CPED1: variants seen among roughly 807,000 people sequenced by gnomAD.
The protein encoded by CPED1 is cadherin-like and PC-esterase domain-containing protein 1.
A neutral mutation model predicts 128.2 loss-of-function variants in CPED1; 114 were observed. That is an observed-to-expected ratio of 0.89 (90% CI 0.76 to 1.04). The LOEUF (loss-of-function observed/expected upper bound fraction) is 1.04, where lower values mean the gene tolerates loss of function less well. Ranked by LOEUF, CPED1 falls within the 50% of genes least tolerant of loss-of-function variation. The pLI is 0.00. For synonymous variants in CPED1, 462 were observed against 426.7 expected (o/e 1.08, Z -1.02); for missense variants, 1,211 against 1,207.1 (o/e 1.00, Z -0.05).
chr7:121,232,420 T>G (rs1798159789), intron 16 of CPED1, among the ~76,000 whole-genome samples: 1 of 152,080 alleles, frequency 6.6e-6, no homozygotes, highest in African/African-American at 2.4e-5. Flanking sequence ...AGATATGAGA[T>G]GTGGGATCTG....
intron 4 of CPED1, among the ~76,000 whole-genome samples, chr7:121,058,803 C>G (rs1023167091): frequency 6.6e-6 from 1 of 152,252 alleles, no homozygotes; most frequent in Non-Finnish European, 1.5e-5. Context: ...TGAACCAAGA[C>G]TTTATTATGT....
intron 16 of CPED1, among the ~76,000 whole-genome samples, chr7:121,200,419 A>G (rs1170539385): frequency 2.6e-5 from 4 of 152,088 alleles, no homozygotes; most frequent in African/African-American, 9.7e-5. Flanking sequence ...TTCACAGAGC[A>G]TCTCTTGGGC....
intron 7 of CPED1, among the ~76,000 whole-genome samples, chr7:121,115,840 T>C (rs904240780): frequency 4.6e-5 from 7 of 152,190 alleles, no homozygotes; most frequent in African/African-American, 1.7e-4. Flanking sequence ...ATGGCATTCA[T>C]ATAAAGAAAA....
intron 16 of CPED1, among the ~76,000 whole-genome samples, chr7:121,203,560 G>T (rs1434740108): frequency 6.6e-6 from 1 of 152,038 alleles, no homozygotes; most frequent in Non-Finnish European, 1.5e-5. Context: ...GCCCCTGTGG[G>T]CCTTTTCCTT....
chr7:121,196,904 G>T (rs1449225805), intron 16 of CPED1, among the ~76,000 whole-genome samples: 1 of 151,870 alleles, frequency 6.6e-6, no homozygotes, highest in Non-Finnish European at 1.5e-5. Context: ...AATCTGGAAA[G>T]TTAAAAAACA....
At chr7:121,244,606 T>C (rs1798481587) in intron 18 of CPED1, among the ~76,000 whole-genome samples, 1 of 152,236 alleles carries the variant, frequency 6.6e-6, no homozygotes, top group Non-Finnish European at 1.5e-5. Context: ...GATTCCATGC[T>C]GTTTTCTCAG....
intron 4 of CPED1, among the ~76,000 whole-genome samples, chr7:121,049,396 C>T (rs1449766337): frequency 6.6e-6 from 1 of 152,204 alleles, no homozygotes; most frequent in Non-Finnish European, 1.5e-5. Context: ...CACAGACCTG[C>T]AGAGAGGGAG....
intron 16 of CPED1, among the ~76,000 whole-genome samples, chr7:121,214,371 C>A (rs1797713644): frequency 6.6e-6 from 1 of 152,024 alleles, no homozygotes; most frequent in South Asian, 2.1e-4. Flanking sequence ...TGGCTTACTG[C>A]AACCTCCGCC....
At position 121,055,590 on chromosome 7, in the gene CPED1, T is replaced by G. The variant is rs80163391; in HGVS notation, c.540+8597T>G. Among the ~76,000 whole-genome samples, 3 of 150,052 alleles carry G rather than the reference T, an allele frequency of 2.0e-5. 1 individual carries two copies. In the East Asian group the frequency reaches 5.8e-4, roughly 29 times the overall value. On this transcript the variant is annotated intron_variant, in intron 4 of 22. Coordinates refer to ENST00000310396, the MANE Select transcript of CPED1 (RefSeq NM_024913.5). Reference sequence around the variant, plus strand: ...TATATGTGTAAAAATATAGATATAATAAATAATTATGATATAATTATACAT... The same window carrying G: ...TATATGTGTAAAAATATAGATATAAGAAATAATTATGATATAATTATACAT...
intron 18 of CPED1, among the ~76,000 whole-genome samples, chr7:121,260,900 T>A (rs1197379380): frequency 6.6e-6 from 1 of 152,060 alleles, no homozygotes; most frequent in Non-Finnish European, 1.5e-5. Flanking sequence ...GGAAAATGAT[T>A]TTAATTTTTT....
At chr7:121,048,930 T>A (rs995495918) in intron 4 of CPED1, among the ~76,000 whole-genome samples, 5 of 152,250 alleles carry the variant, frequency 3.3e-5, no homozygotes, top group African/African-American at 4.8e-5. Context: ...CCTGGTTTAT[T>A]GCTAAATCTT....
rs537465409 is a variant in CPED1 at position 121,027,019 on chromosome 7, T to C, written c.433+11171T>C. On this transcript the variant is annotated intron_variant, in intron 3 of 22. Coordinates refer to ENST00000310396, the MANE Select transcript of CPED1 (RefSeq NM_024913.5). ...TAATTTTTCTTATTTTTTTTTTTTT[T>C]TGTAGAGAGGGGAATCTCACTATGT... 4.1e-3 allele frequency among the ~76,000 whole-genome samples: 615 copies of C among 151,224 alleles called. 6 individuals carry two copies. Among genetic ancestry groups the C allele is most frequent in the South Asian group, 0.019 (91 of 4,782 alleles).
chr7:121,186,203 C>T (rs528607807), intron 16 of CPED1, among the ~76,000 whole-genome samples: 1 of 152,272 alleles, frequency 6.6e-6, no homozygotes, highest in Admixed American at 6.5e-5. Context: ...CTTGTCCATA[C>T]TTTTATCACA....
At chr7:121,266,176 G>A (rs1321370711) in intron 18 of CPED1, 51 bp from the exon 19 acceptor site, 6 of 1,387,890 alleles carry the variant, frequency 4.3e-6, no homozygotes, top group Non-Finnish European at 6.1e-6. Flanking sequence ...ACTATCTCCT[G>A]TACCATGTAA....
chr7:121,033,277 C>T (rs529443684), intron 3 of CPED1, among the ~76,000 whole-genome samples: 14 of 152,212 alleles, frequency 9.2e-5, no homozygotes, highest in African/African-American at 2.4e-4. Context: ...TTAGAAGAGA[C>T]GATTATCATT....
At chr7:121,026,827 CTTT>C (rs71170219) in intron 3 of CPED1, among the ~76,000 whole-genome samples, 34,913 of 82,324 alleles carry the variant, frequency 0.42, 5,530 homozygotes, top group Middle Eastern at 0.63. Context: ...CCTGTCAGTT[CTTT>C]TTTTTTTTTT....
rs891923678 is a variant in CPED1 at position 121,116,630 on chromosome 7, G to C, written c.919-7701G>C. On this transcript the variant is annotated intron_variant, in intron 7 of 22. Coordinates refer to ENST00000310396, the MANE Select transcript of CPED1 (RefSeq NM_024913.5). ...AAAAATACAGATGATTCATTCTTCT[G>C]GATTTCAGGGTCCATCCATAGTCCT... 3.3e-5 allele frequency among the ~76,000 whole-genome samples: 5 copies of C among 152,142 alleles called. No individual in the cohort carries two copies. The East Asian group carries it at 9.7e-4, about 29-fold the overall frequency.
intron 12 of CPED1, 74 bp from the exon 13 acceptor site, chr7:121,133,749 T>C (rs1795724599): frequency 1.0e-6 from 1 of 964,930 alleles, no homozygotes; most frequent in Admixed American, 2.3e-5. Context: ...GAAGAAAAGA[T>C]AGTGTGTTAG....
chr7:121,226,169 G>A (rs910328028), intron 16 of CPED1, among the ~76,000 whole-genome samples: 4 of 152,166 alleles, frequency 2.6e-5, no homozygotes, highest in Non-Finnish European at 4.4e-5. Context: ...GTTTCGGTGT[G>A]GATGTCCTTT....
Sources: gnomAD v4.1 joint callset for allele counts (sites outside exome capture counted in the v4.1 genomes callset) on GRCh38, gnomAD v4.1.1 for gene constraint, MANE v1.5 for transcripts, NCBI Gene and HGNC (gene_info 2026-07-23, HGNC 2026-07-21) for gene names.